The following DIP2C variants were observed in gnomAD, a reference collection of about 807,000 sequenced individuals.
DIP2C encodes the protein disco-interacting protein 2 homolog C.
DIP2C carries 33 observed loss-of-function variants against 192.4 expected under a neutral mutation model. The observed-to-expected ratio is 0.17, with a 90% confidence interval of 0.13 to 0.23. DIP2C has a LOEUF of 0.23. DIP2C is among the 10% of genes least tolerant of loss of function. The pLI is 1.00. For missense variants in DIP2C, 1,537 were observed against 2,110.1 expected (o/e 0.73, Z 5.32); for synonymous variants, 979 against 864.1 (o/e 1.13, Z -2.33).
chr10:608,132 C>CACAA (rs1161507884), intron 1 of DIP2C, among the ~76,000 whole-genome samples: 1 of 109,878 alleles, frequency 9.1e-6, no homozygotes, highest in African/African-American at 6.3e-5. Flanking sequence ...ACAGCCCCAA[C>CACAA]ACACACACAG....
chr10:443,403 T>C (rs563653322), intron 3 of DIP2C, among the ~76,000 whole-genome samples: 3 of 152,344 alleles, frequency 2.0e-5, no homozygotes, highest in East Asian at 3.9e-4. Flanking sequence ...TGGTGCTCAA[T>C]TGGTTCCAGA....
At chr10:469,201 A>G (rs1355045026) in intron 3 of DIP2C, among the ~76,000 whole-genome samples, 1 of 152,188 alleles carries the variant, frequency 6.6e-6, no homozygotes, top group Admixed American at 6.5e-5. Context: ...GTGCAGGTGC[A>G]TAACTAGGAC....
intron 1 of DIP2C, among the ~76,000 whole-genome samples, chr10:601,212 AG>A (rs771078042): frequency 7.2e-5 from 11 of 152,216 alleles, no homozygotes; most frequent in Non-Finnish European, 1.5e-4. Context: ...TAGAAAGCAA[AG>A]TCATACAGAT....
At chr10:466,007 A>C in intron 3 of DIP2C, among the ~76,000 whole-genome samples, 1 of 152,062 alleles carries the variant, frequency 6.6e-6, no homozygotes, top group Non-Finnish European at 1.5e-5. Flanking sequence ...CAAGCTACCA[A>C]TGACTTTCTT....
At chr10:341,363 A>T in intron 28 of DIP2C, 34 bp from the exon 29 acceptor site, 1 of 1,610,500 alleles carries the variant, frequency 6.2e-7, no homozygotes, top group Non-Finnish European at 8.5e-7. Context: ...AACGCATCGG[A>T]CCTGACACCC....
Position 321,596 on chromosome 10 carries a change from G to C in DIP2C, c.3924+5410C>G, listed in dbSNP as rs867981314. ...TCGGGGGTGCGGGGCTCCAGCGAGA[G>C]ACCGGCGCTGTTAGAACAGTCAGTC... On this transcript the variant is annotated intron_variant, in intron 31 of 36. Coordinates refer to ENST00000280886, the MANE Select transcript of DIP2C (RefSeq NM_014974.3). 9.3e-3 allele frequency among the ~76,000 whole-genome samples: 1,319 copies of C among 141,704 alleles called. 47 individuals are homozygous for C. The highest frequency in any genetic ancestry group is 0.036 in the African/African-American group (1,257 of 34,618). The allele number at this position is 141,704 out of a possible 152,430, so 93.0% of individuals were successfully genotyped here. A position where few individuals can be genotyped will look rare whatever the true frequency, so the allele number is the denominator to read the frequency against.
intron 1 of DIP2C, among the ~76,000 whole-genome samples, chr10:624,924 G>A (rs890376171): frequency 7.2e-5 from 11 of 152,162 alleles, no homozygotes; most frequent in South Asian, 2.1e-4. Context: ...ACGAGCAAAC[G>A]AGGGAGGCGC....
intron 1 of DIP2C, among the ~76,000 whole-genome samples, chr10:553,853 C>T (rs781689726): frequency 6.4e-5 from 9 of 139,754 alleles, no homozygotes; most frequent in South Asian, 2.3e-4. Flanking sequence ...AAAACGTATA[C>T]GCTTGTAACT....
At chr10:551,732 A>G (rs553881329) in intron 1 of DIP2C, among the ~76,000 whole-genome samples, 3 of 152,344 alleles carry the variant, frequency 2.0e-5, no homozygotes, top group Admixed American at 6.5e-5. Flanking sequence ...TTGCCCACAC[A>G]GGTACAGAAT....
chr10:607,997 G>C lies in DIP2C; in HGVS notation c.85+81497C>G, dbSNP rs190132018. On this transcript the variant is annotated intron_variant, in intron 1 of 36. Transcript: ENST00000280886. ...AGACACCGTAATGAAACCAAAATCG[G>C]AGTCCGCAGGTGCGGTCAAGTCATA... Among the ~76,000 whole-genome samples the C allele has an allele frequency of 3.0e-3, 454 of 151,692 alleles. 1 individual carries two copies. Among genetic ancestry groups the C allele is most frequent in the Non-Finnish European group, 5.5e-3 (376 of 67,878 alleles).
chr10:600,902 C>G (rs1408770020), intron 1 of DIP2C, among the ~76,000 whole-genome samples: 1 of 120,274 alleles, frequency 8.3e-6, no homozygotes, highest in Non-Finnish European at 1.7e-5. Flanking sequence ...TTAAGTTGAA[C>G]TTAGGTTTTC....
chr10:532,167 G>C (rs537194865), intron 1 of DIP2C, among the ~76,000 whole-genome samples: 5 of 152,190 alleles, frequency 3.3e-5, no homozygotes, highest in African/African-American at 9.6e-5. Flanking sequence ...TAGAGTAAGA[G>C]CCTGTGGATT....
At chr10:595,469 G>A (rs1564245514) in intron 1 of DIP2C, among the ~76,000 whole-genome samples, 1 of 152,144 alleles carries the variant, frequency 6.6e-6, no homozygotes, top group African/African-American at 2.4e-5. Context: ...CTGTGGCTTT[G>A]TCCCTGAAGC....
chr10:400,516 T>G (rs1589707614), intron 9 of DIP2C, among the ~76,000 whole-genome samples: 1 of 152,224 alleles, frequency 6.6e-6, no homozygotes, highest in African/African-American at 2.4e-5. Context: ...CTGGACAAGT[T>G]TGGTACATTT....
At chr10:373,954 G>A (rs1327884302) in intron 17 of DIP2C, among the ~76,000 whole-genome samples, 6 of 152,124 alleles carry the variant, frequency 3.9e-5, no homozygotes, top group Admixed American at 3.9e-4. Context: ...TAGCCCCCCG[G>A]ATCCAATTTC....
At chr10:382,548 C>T (rs772075865) in intron 17 of DIP2C, 99 bp downstream of exon 17, 2 of 912,230 alleles carry the variant, frequency 2.2e-6, no homozygotes, top group African/African-American at 1.6e-5. Context: ...CGTTTTCACC[C>T]TCACCCTCAG....
At chr10:529,383 G>A (rs191370111) in intron 1 of DIP2C, among the ~76,000 whole-genome samples, 247 of 152,334 alleles carry the variant, frequency 1.6e-3, no homozygotes, top group African/African-American at 5.6e-3. Context: ...AGGGATCAGA[G>A]TGGTGCCAAG....
At chr10:602,276 C>T (rs981487136) in intron 1 of DIP2C, among the ~76,000 whole-genome samples, 3 of 152,170 alleles carry the variant, frequency 2.0e-5, no homozygotes, top group Admixed American at 2.0e-4. Context: ...TGCACCGAAC[C>T]CCAACTTGCA....
At chr10:484,496 G>C (rs890909489) in intron 2 of DIP2C, among the ~76,000 whole-genome samples, 1 of 152,162 alleles carries the variant, frequency 6.6e-6, no homozygotes, top group Non-Finnish European at 1.5e-5. Context: ...AATTTGTCAC[G>C]CATTCTTCTT....
Sources: gnomAD v4.1 joint callset for allele counts (sites outside exome capture counted in the v4.1 genomes callset) on GRCh38, gnomAD v4.1.1 for gene constraint, MANE v1.5 for transcripts, NCBI Gene and HGNC (gene_info 2026-07-23, HGNC 2026-07-21) for gene names.